The following MARCHF10 variants were observed in gnomAD, a reference collection of about 807,000 sequenced individuals.
MARCHF10 encodes membrane associated ring-CH-type finger 10, also known as probable E3 ubiquitin-protein ligase MARCHF10.
A neutral mutation model predicts 76.2 loss-of-function variants in MARCHF10; 64 were observed. The observed-to-expected ratio is 0.84, with a 90% CI of 0.69 to 1.03. MARCHF10 has a LOEUF of 1.03. MARCHF10 is among the 50% of genes least tolerant of loss of function. The probability of loss-of-function intolerance (pLI) is 0.00; values close to 1 mark genes in which losing one functional copy is unlikely to be tolerated. For synonymous variants in MARCHF10, 340 were observed against 357.5 expected, an observed-to-expected ratio of 0.95 and a Z score of 0.55; for missense variants, 875 against 958.0, an observed-to-expected ratio of 0.91 and a Z score of 1.14.
chr17:62,760,245 G>GT (rs2092162589), intron 3 of MARCHF10, among the ~76,000 whole-genome samples: 1 of 152,196 alleles, frequency 6.6e-6, no homozygotes, highest in African/African-American at 2.4e-5. Flanking sequence ...GCATTTTTCT[G>GT]TGAGTGTGTT....
rs1568193260 is a variant in MARCHF10 at position 62,775,506 on chromosome 17, T to TTG, written c.210+12973_210+12974insCA. Reference sequence around the variant, plus strand: ...TTAGTTTACCAACACTGTCAGCCACTCGGGGGGGGGCGTGGCTTATTAATT... The same window carrying TTG: ...TTAGTTTACCAACACTGTCAGCCACTTGCGGGGGGGGGCGTGGCTTATTAATT... On this transcript the variant is annotated intron_variant, in intron 3 of 10. Transcript: ENST00000311269. Among the ~76,000 whole-genome samples, 17 of 127,348 alleles carry TTG rather than the reference T, an allele frequency of 1.3e-4. 1 individual carries two copies. Among genetic ancestry groups the TTG allele is most frequent in the African/African-American group, 6.1e-4 (12 of 19,764 alleles). 83.5% of individuals were successfully genotyped at this position (127,348 alleles called of 152,430 possible).
At chr17:62,789,714 G>A (rs1453616044) in intron 2 of MARCHF10, among the ~76,000 whole-genome samples, 1 of 152,156 alleles carries the variant, frequency 6.6e-6, no homozygotes, top group South Asian at 2.1e-4. Context: ...GAGGCAGGTT[G>A]ATCACTTGAT....
At chr17:62,775,106 C>T (rs903317905) in intron 3 of MARCHF10, among the ~76,000 whole-genome samples, 1 of 147,060 alleles carries the variant, frequency 6.8e-6, no homozygotes, top group African/African-American at 2.6e-5. Context: ...CTCTATGAAG[C>T]TTTCCCAGGT....
rs750192370 is a variant in MARCHF10, at chr17:62,701,647, T to C, written c.*56A>G. The C allele has an allele frequency of 1.7e-5, 27 of 1,612,822 alleles. No individual in the cohort carries two copies. The highest frequency in any genetic ancestry group is 7.7e-5 in the South Asian group (7 of 91,072). On this transcript the variant is annotated 3_prime_UTR_variant, in exon 11 of 11. Transcript: ENST00000311269. ...GGAGGGAGGGAGGCACTTGGGGACG[T>C]AGAAAGAAGGGCTGGCGGGAGAGGT...
intron 3 of MARCHF10, among the ~76,000 whole-genome samples, chr17:62,762,009 C>T (rs950509596): frequency 6.6e-6 from 1 of 152,120 alleles, no homozygotes; most frequent in Admixed American, 6.6e-5. Context: ...ATGCTCCAGG[C>T]GAGGATGACC....
intron 2 of MARCHF10, among the ~76,000 whole-genome samples, chr17:62,799,333 G>A (rs1413962861): frequency 3.9e-5 from 6 of 152,208 alleles, no homozygotes; most frequent in African/African-American, 9.6e-5. Context: ...AAGTTTTCCC[G>A]CTTCTTCTCT....
At chr17:62,765,141 G>A (rs2092297575) in intron 3 of MARCHF10, among the ~76,000 whole-genome samples, 1 of 151,964 alleles carries the variant, frequency 6.6e-6, no homozygotes, top group Non-Finnish European at 1.5e-5. Flanking sequence ...GAGGCCAGGA[G>A]TTCAAGACCA....
intron 3 of MARCHF10, among the ~76,000 whole-genome samples, chr17:62,778,526 T>G (rs1598001158): frequency 6.7e-6 from 1 of 149,348 alleles, no homozygotes; most frequent in African/African-American, 2.5e-5. Context: ...AGGTCAGGAG[T>G]TCAAGACCAG....
intron 3 of MARCHF10, among the ~76,000 whole-genome samples, chr17:62,760,596 T>C: frequency 6.6e-6 from 1 of 152,212 alleles, no homozygotes; most frequent in East Asian, 1.9e-4. Context: ...TCCTGCTGTG[T>C]CAGAATATCT....
intron 5 of MARCHF10, among the ~76,000 whole-genome samples, chr17:62,742,514 TG>T: frequency 6.6e-6 from 1 of 152,216 alleles, no homozygotes; most frequent in East Asian, 1.9e-4. Flanking sequence ...GGAAATAATT[TG>T]GGGAGATAAG....
intron 3 of MARCHF10, among the ~76,000 whole-genome samples, chr17:62,784,113 C>T (rs544361908): frequency 4.3e-4 from 66 of 152,178 alleles, no homozygotes; most frequent in African/African-American, 1.4e-3. Flanking sequence ...AACATCGATG[C>T]GAAAATCCTC....
chr17:62,795,062 A>G (rs1213247964), intron 2 of MARCHF10: 1 of 985,298 alleles, frequency 1.0e-6, no homozygotes, highest in Non-Finnish European at 1.2e-6. Context: ...CTCCGTCCCT[A>G]TGGGAAGAAA....
rs755543255 is a variant in MARCHF10, at chr17:62,736,389, C to T, written c.1479G>A (p.Ser493=). 6 of 1,613,922 alleles carry T rather than the reference C, an allele frequency of 3.7e-6. No individual in the cohort carries two copies. Among genetic ancestry groups the T allele is most frequent in the African/African-American group, 1.3e-5 (1 of 74,874 alleles). ...DDIPVDLSMS[S]TSVHSSDSEG... Reference sequence around the variant, plus strand: ...CTGAGTCTGAGCTGTGAACTGAAGTCGATGACATTGACAAGTCTACTGGAA... The same window carrying T: ...CTGAGTCTGAGCTGTGAACTGAAGTTGATGACATTGACAAGTCTACTGGAA... The change falls in exon 6 of 11, where the codon TCG becomes TCA. Residue 493 remains serine, a synonymous_variant. Transcript: ENST00000311269.
chr17:62,706,772 C>G (rs578013745), intron 9 of MARCHF10, among the ~76,000 whole-genome samples: 1 of 152,176 alleles, frequency 6.6e-6, no homozygotes, highest in South Asian at 2.1e-4. Context: ...TCCAGGAGAT[C>G]GTTGTAATAA....
intron 7 of MARCHF10, among the ~76,000 whole-genome samples, chr17:62,724,599 C>G (rs186168635): frequency 6.6e-6 from 1 of 152,228 alleles, no homozygotes; most frequent in Non-Finnish European, 1.5e-5. Flanking sequence ...CACCGCTGAC[C>G]CACTTCTATT....
chr17:62,791,988 G>C (rs546293945), intron 2 of MARCHF10, among the ~76,000 whole-genome samples: 6 of 152,056 alleles, frequency 3.9e-5, no homozygotes, highest in Non-Finnish European at 8.8e-5. Flanking sequence ...TCAGGATTCG[G>C]ATGGCTATAA....
chr17:62,720,914 C>G (rs2090454370), intron 8 of MARCHF10, among the ~76,000 whole-genome samples: 1 of 133,306 alleles, frequency 7.5e-6, no homozygotes, highest in Non-Finnish European at 1.5e-5. Context: ...GTCGCCCAGG[C>G]TGGAGTGCAG....
intron 2 of MARCHF10, among the ~76,000 whole-genome samples, chr17:62,791,450 G>C (rs181409163): frequency 6.6e-6 from 1 of 152,296 alleles, no homozygotes; most frequent in East Asian, 1.9e-4. Flanking sequence ...AGTGTTTTTT[G>C]AAAATTCTCT....
intron 1 of MARCHF10, chr17:62,805,083 G>A (rs1485401305): frequency 6.6e-6 from 1 of 152,104 alleles, no homozygotes; most frequent in African/African-American, 2.4e-5. Flanking sequence ...CGTCTCTTGG[G>A]GGCTATTTTC....
Sources: gnomAD v4.1 joint callset for allele counts (sites outside exome capture counted in the v4.1 genomes callset) on GRCh38, gnomAD v4.1.1 for gene constraint, MANE v1.5 for transcripts, NCBI Gene and HGNC (gene_info 2026-07-23, HGNC 2026-07-21) for gene names.